Variants in ACSF2 observed in about 807,000 individuals in gnomAD.
The protein encoded by ACSF2 is acyl-CoA synthetase family member 2.
ACSF2 carries 52 observed loss-of-function variants against 79.3 expected under a neutral mutation model. That is an observed-to-expected ratio of 0.66 (90% confidence interval 0.53 to 0.83). ACSF2 has a LOEUF of 0.83. Among genes scored for constraint, ACSF2 ranks in the 40% least tolerant of loss-of-function variants. ACSF2 has a pLI of 0.00. For synonymous variants in ACSF2, 283 were observed against 312.6 expected (o/e 0.91, Z 1.00); for missense variants, 661 against 803.3 (o/e 0.82, Z 2.14).
intron 1 of ACSF2, among the ~76,000 whole-genome samples, chr17:50,441,311 C>T (rs2030894820): frequency 6.6e-6 from 1 of 152,180 alleles, no homozygotes; most frequent in Non-Finnish European, 1.5e-5. Flanking sequence ...GCTGGGACCA[C>T]AGGTATGCAC....
chr17:50,467,986 G>A, intron 10 of ACSF2: 1 of 1,505,276 alleles, frequency 6.6e-7, no homozygotes, highest in Non-Finnish European at 8.9e-7. Context: ...TGGCTCCTGG[G>A]GCCTCCAGGA....
chr17:50,443,555 T>G (rs1030318220), intron 1 of ACSF2, among the ~76,000 whole-genome samples: 8 of 152,236 alleles, frequency 5.3e-5, no homozygotes, highest in Non-Finnish European at 1.2e-4. Context: ...TTAAGCAATT[T>G]GTCAGAAATG....
At chr17:50,444,553 C>CA (rs1285547867) in intron 1 of ACSF2, among the ~76,000 whole-genome samples, 7 of 147,296 alleles carry the variant, frequency 4.8e-5, no homozygotes, top group Admixed American at 2.0e-4. Flanking sequence ...GACTCCGGCC[C>CA]AAAAAAAAAG....
intron 1 of ACSF2, among the ~76,000 whole-genome samples, chr17:50,432,804 T>G (rs950364529): frequency 2.0e-5 from 3 of 152,188 alleles, no homozygotes; most frequent in African/African-American, 7.2e-5. Flanking sequence ...TTACTGAACC[T>G]CCGCAGACCT....
In ACSF2 at chr17:50,468,669, C is replaced by T. The variant is rs1224946946; in HGVS notation, c.1216-2359C>T. 11 of 1,614,012 alleles carry T rather than the reference C, an allele frequency of 6.8e-6. No homozygotes were observed. The Admixed American group carries it at 1.3e-4, about 20-fold the overall frequency. On this transcript the variant is annotated intron_variant, in intron 10 of 15. Coordinates refer to ENST00000300441, the MANE Select transcript of ACSF2 (RefSeq NM_025149.6). ...TTGAGCAGCTTGGTCTTCTCTGACA[C>T]CTTGGGGATCTTCTGCAGCCCCACC...
rs577771093 is a variant in ACSF2, at chr17:50,472,480, G to A, written c.1376G>A (p.Gly459Glu). 1 of 1,613,096 alleles carries A rather than the reference G, an allele frequency of 6.2e-7. No individual in the cohort carries two copies. The highest frequency in any genetic ancestry group is 1.3e-5 in the African/African-American group (1 of 74,996). Residue 459 changes from glycine (G) to glutamate (E), a missense_variant, in exon 12 of 16, where the codon GGG (glycine) becomes GAG (glutamate). By Grantham distance (98) the Gly-to-Glu change is moderately conservative. Coordinates refer to ENST00000300441, the MANE Select transcript of ACSF2 (RefSeq NM_025149.6). ...AGTLAKLNTP[G>E]ELCIRGYCVM... Reference sequence around the variant, plus strand: ...ACGCTGGCAAAGCTGAACACGCCCGGGGAGCTGTGCATCCGAGGGTACTGC... The same window carrying A: ...ACGCTGGCAAAGCTGAACACGCCCGAGGAGCTGTGCATCCGAGGGTACTGC...
intron 1 of ACSF2, among the ~76,000 whole-genome samples, chr17:50,444,412 G>C (rs954833931): frequency 6.6e-6 from 1 of 151,950 alleles, no homozygotes; most frequent in Non-Finnish European, 1.5e-5. Flanking sequence ...AAAATTAGTT[G>C]GGCACGGTGG....
At position 50,463,491 on chromosome 17, in the gene ACSF2, C is replaced by T. The variant is rs2032479674; in HGVS notation, c.985C>T (p.Leu329Phe). The change falls in exon 8 of 16, where the codon CTC becomes TTC. Residue 329 changes from leucine (L) to phenylalanine (F), a missense_variant. By Grantham distance (22) the Leu-to-Phe change is conservative (BLOSUM62 0). Coordinates refer to ENST00000300441, the MANE Select transcript of ACSF2 (RefSeq NM_025149.6). The surrounding 1 kb of genome is among the most constrained non-coding windows in gnomAD (Gnocchi z 4.6). Reference protein sequence around the residue: ...TMMCLMYGATLILASPIFNGK... With the variant: ...TMMCLMYGATFILASPIFNGK... ...GATGTGTCTGATGTACGGTGCCACC[C>T]TCATCCTGGCCTCTCCCATCTTCAA... 5 of 1,614,178 alleles carry T rather than the reference C, an allele frequency of 3.1e-6. 1 individual carries two copies. The highest frequency in any genetic ancestry group is 3.3e-4 in the Middle Eastern group (2 of 6,062).
At chr17:50,444,636 AAC>A (rs72392656) in intron 1 of ACSF2, among the ~76,000 whole-genome samples, 36,281 of 147,786 alleles carry the variant, frequency 0.25, 4,567 homozygotes, top group Middle Eastern at 0.31. Flanking sequence ...TCTCTCTGCA[AAC>A]ACACACACAC....
intron 1 of ACSF2, 45 bp downstream of exon 1, chr17:50,426,434 G>A (rs755464613): frequency 2.3e-6 from 3 of 1,281,804 alleles, no homozygotes; most frequent in African/African-American, 3.1e-5. Context: ...CAGTTCCCCG[G>A]GAGAGGAACT....
In ACSF2 at chr17:50,464,405, C is replaced by G. The variant is rs2032548072; in HGVS notation, c.1215+111C>G. ...GATGTTCAAAGGAGACCCTCTCAGCCAGCCCTCCTTCCAGAAAGCAGATGT... is the reference window on the plus strand; with the variant it reads ...GATGTTCAAAGGAGACCCTCTCAGCGAGCCCTCCTTCCAGAAAGCAGATGT... On this transcript the variant is annotated intron_variant, in intron 10 of 15. Coordinates refer to ENST00000300441, the MANE Select transcript of ACSF2 (RefSeq NM_025149.6). 2.7e-6 allele frequency: 3 copies of G among 1,100,308 alleles called. No individual in the cohort carries two copies. In the East Asian group the frequency reaches 7.1e-5, roughly 26 times the overall value. The allele number at this position is 1,100,308 out of a possible 1,614,324, so 68.2% of individuals were successfully genotyped here.
chr17:50,444,636 A>AACACAC (rs72392656), intron 1 of ACSF2, among the ~76,000 whole-genome samples: 2,558 of 148,054 alleles, frequency 0.017, 78 homozygotes, highest in African/African-American at 0.054. Context: ...TCTCTCTGCA[A>AACACAC]ACACACACAC....
intron 1 of ACSF2, among the ~76,000 whole-genome samples, chr17:50,435,069 C>T (rs1293538159): frequency 6.6e-6 from 1 of 152,096 alleles, no homozygotes; most frequent in Non-Finnish European, 1.5e-5. Flanking sequence ...GGGATTTCTC[C>T]ATGTTGGTCA....
rs749071712 is a variant in ACSF2 at position 50,462,260 on chromosome 17, C to T, written c.584C>T (p.Pro195Leu). Residue 195 changes from proline to leucine, a missense_variant, in exon 5 of 16, where the codon CCA becomes CTA. Transcript: ENST00000300441. ...TACAACGTCCTGAAGCAGATCTGTC[C>T]AGAAGTGGAGAATGCCCAGCCAGGG... ...QYYNVLKQICPEVENAQPGAL... is the reference protein window; with the variant it reads ...QYYNVLKQICLEVENAQPGAL... 3.7e-6 allele frequency: 6 copies of T among 1,614,070 alleles called. No homozygotes were observed. In the Middle Eastern group the frequency reaches 6.6e-4, roughly 178 times the overall value.
At position 50,462,164 on chromosome 17, in the gene ACSF2, G is replaced by A. The variant is rs1263376096; in HGVS notation, c.508-20G>A. On this transcript the variant is annotated intron_variant, in intron 4 of 15. Coordinates refer to ENST00000300441, the MANE Select transcript of ACSF2 (RefSeq NM_025149.6). ...CTGGGGCTCCCCGCTGACTGGAGGT[G>A]GGGGACTCCCCTTCCACAGGTGGGC... is the stretch of plus-strand genomic sequence containing the variant. 6.2e-7 allele frequency: 1 copy of A among 1,609,260 alleles called. No homozygotes were observed. Among genetic ancestry groups the A allele is most frequent in the African/African-American group, 1.3e-5 (1 of 74,800 alleles).
intron 10 of ACSF2, chr17:50,467,956 G>C: frequency 1.4e-6 from 2 of 1,401,706 alleles, no homozygotes; most frequent in Non-Finnish European, 1.9e-6. Context: ...GGGGACGGGG[G>C]ATGGTGCCAG....
intron 1 of ACSF2, among the ~76,000 whole-genome samples, chr17:50,441,568 G>A (rs1449466154): frequency 6.6e-6 from 1 of 152,208 alleles, no homozygotes; most frequent in Non-Finnish European, 1.5e-5. Flanking sequence ...TTGAATCCCA[G>A]GTTGGCTGTT....
At position 50,471,142 on chromosome 17, in the gene ACSF2, C is replaced by A. The variant is rs777455241; in HGVS notation, c.1323+7C>A. 2.5e-6 allele frequency: 4 copies of A among 1,612,650 alleles called. No homozygotes were observed. In the Admixed American group the frequency reaches 6.7e-5, roughly 27 times the overall value. ...AATTATGCCTCACACGGAGGTGAGCCCCTGACCAAGACTCCAAAGTCCCAC... is the reference window on the plus strand; with the variant it reads ...AATTATGCCTCACACGGAGGTGAGCACCTGACCAAGACTCCAAAGTCCCAC... On this transcript the variant is annotated splice_region_variant and intron_variant, in intron 11 of 15. Transcript: ENST00000300441. This position sits in a 1 kb window ranked among gnomAD's most constrained non-coding sequence, Gnocchi z 4.1.
chr17:50,441,234 A>G (rs1406200203), intron 1 of ACSF2, among the ~76,000 whole-genome samples: 1 of 152,258 alleles, frequency 6.6e-6, no homozygotes, highest in African/African-American at 2.4e-5. Context: ...CAGTGGCACG[A>G]TGTCGGCTCA....
Sources: allele counts gnomAD v4.1 joint callset (sites outside exome capture counted in the v4.1 genomes callset), GRCh38; gene constraint gnomAD v4.1.1; non-coding constraint Gnocchi (gnomAD v3.1); transcripts MANE v1.5; gene names NCBI Gene and HGNC (gene_info 2026-07-23, HGNC 2026-07-21).